MED12L: variants seen among roughly 807,000 people sequenced by gnomAD.
MED12L encodes the protein mediator complex subunit 12L, also known as mediator of RNA polymerase II transcription subunit 12-like protein.
Under a neutral mutation model 281.3 loss-of-function variants are expected in MED12L, and 60 were observed. The ratio of observed to expected loss-of-function variants is 0.21; its 90% CI spans 0.17 to 0.26. The LOEUF (loss-of-function observed/expected upper bound fraction) is 0.26. MED12L is among the 10% of genes least tolerant of loss of function. The pLI is 1.00. For missense variants in MED12L, 2,146 were observed against 2,680.9 expected (o/e 0.80, Z 4.41); for synonymous variants, 974 against 987.2 (o/e 0.99, Z 0.25).
Position 151,207,633 on chromosome 3 carries a change from G to A in MED12L, c.2250+13967G>A, listed in dbSNP as rs1315612941. On this transcript the variant is annotated intron_variant, in intron 16 of 44. Transcript: ENST00000687756. ...TCATGGTTATACAAGGCAAGGAGCT[G>A]TCAATTGGGCAGTATTAGGTGAATC... Among the ~76,000 whole-genome samples the A allele has an allele frequency of 5.9e-5, 9 of 152,322 alleles. No individual in the cohort carries two copies. In the East Asian group the frequency reaches 1.7e-3, roughly 29 times the overall value.
intron 5 of MED12L, among the ~76,000 whole-genome samples, chr3:151,142,212 A>T (rs1214163803): frequency 1.3e-5 from 2 of 152,130 alleles, no homozygotes; most frequent in Non-Finnish European, 2.9e-5. Context: ...TCCATCCTAG[A>T]CTTCTGTTTC....
chr3:151,313,990 C>G (rs1370190549), intron 16 of MED12L, among the ~76,000 whole-genome samples: 1 of 151,848 alleles, frequency 6.6e-6, no homozygotes, highest in African/African-American at 2.4e-5. Context: ...GATGTATATG[C>G]TAATTATTGT....
At chr3:151,392,789 T>C (rs1186219696) in intron 38 of MED12L, among the ~76,000 whole-genome samples, 1 of 152,172 alleles carries the variant, frequency 6.6e-6, no homozygotes, top group Non-Finnish European at 1.5e-5. Flanking sequence ...GTGAGGAAAG[T>C]AATTAGGTGT....
rs1309520067 is a variant in MED12L at position 151,086,978 on chromosome 3, C to T, written c.52C>T (p.Arg18Trp). ...TGAGCAGAGACCGCTGAAGCGCCCC[C>T]GGCTCGGGCCGCCCGACGTCTACCC... is the stretch of plus-strand genomic sequence containing the variant. ...SYEQRPLKRP[R>W]LGPPDVYPQD... is the part of the protein sequence containing the mutation. Residue 18 changes from arginine (R) to tryptophan (W), a missense_variant, in exon 2 of 45, where the codon CGG becomes TGG. By Grantham distance (101) the Arg-to-Trp change is moderately radical. Around this residue, in one of 9 missense-constraint regions of MED12L, gnomAD observed 44 missense variants for 39.7 expected, o/e 1.11. Transcript: ENST00000687756. 6 of 1,610,122 alleles carry T rather than the reference C, an allele frequency of 3.7e-6. No individual in the cohort carries two copies. The highest frequency in any genetic ancestry group is 5.1e-6 in the Non-Finnish European group (6 of 1,178,976).
In MED12L at chr3:151,378,011, G is replaced by C. The variant is rs189467810; in HGVS notation, c.4317-1G>C. 6.3e-7 allele frequency: 1 copy of C among 1,592,090 alleles called. No individual in the cohort carries two copies. Among genetic ancestry groups the C allele is most frequent in the South Asian group, 1.1e-5 (1 of 88,588 alleles). ...GGTGTAACACCTGTTTCTGATTTTA[G>C]TTCCTCCGAACGCAGGGGTGTATGG... On this transcript the variant is annotated splice_acceptor_variant, in intron 30 of 44. Coordinates refer to ENST00000687756, the MANE Select transcript of MED12L (RefSeq NM_001393769.1). LOFTEE classifies it high-confidence loss of function.
intron 39 of MED12L, among the ~76,000 whole-genome samples, chr3:151,400,924 T>G (rs929130923): frequency 6.6e-6 from 1 of 152,192 alleles, no homozygotes; most frequent in African/African-American, 2.4e-5. Context: ...TTAAAAAAAA[T>G]TACAGATGTG....
At chr3:151,122,383 T>G (rs1388937811) in intron 3 of MED12L, among the ~76,000 whole-genome samples, 3 of 152,236 alleles carry the variant, frequency 2.0e-5, no homozygotes, top group Admixed American at 6.5e-5. Context: ...AAAGAATGAT[T>G]ACCGAGTGAT....
intron 16 of MED12L, among the ~76,000 whole-genome samples, chr3:151,258,678 C>T (rs552980517): frequency 7.9e-5 from 12 of 151,912 alleles, no homozygotes; most frequent in East Asian, 3.9e-4. Context: ...GGTGAAACCC[C>T]GTCTCTACTA....
intron 16 of MED12L, among the ~76,000 whole-genome samples, chr3:151,282,192 C>G (rs940590181): frequency 8.5e-5 from 13 of 152,150 alleles, no homozygotes; most frequent in African/African-American, 3.1e-4. Context: ...GAGACTTGTT[C>G]ATGTGAGCCC....
intron 16 of MED12L, among the ~76,000 whole-genome samples, chr3:151,268,408 A>G (rs891747526): frequency 5.3e-5 from 8 of 152,184 alleles, no homozygotes; most frequent in African/African-American, 1.9e-4. Context: ...ACTGCTCTCC[A>G]TTTTCTGTGC....
intron 16 of MED12L, chr3:151,198,209 G>A (rs1724939438): frequency 2.4e-6 from 1 of 408,358 alleles, no homozygotes; most frequent in African/African-American, 2.0e-5. Context: ...TTAGTTTTTT[G>A]TACAAATATT....
chr3:151,428,588 T>A (rs1003124789), intron 43 of MED12L, among the ~76,000 whole-genome samples: 11 of 152,176 alleles, frequency 7.2e-5, no homozygotes, highest in African/African-American at 2.7e-4. Context: ...GATACATCAG[T>A]AGGTATGCCA....
chr3:151,260,826 C>T (rs1738725835), intron 16 of MED12L, among the ~76,000 whole-genome samples: 1 of 152,062 alleles, frequency 6.6e-6, no homozygotes, highest in East Asian at 1.9e-4. Context: ...AATACTGTTC[C>T]TGCCTTAGTT....
At chr3:151,272,286 A>G (rs1324614998) in intron 16 of MED12L, among the ~76,000 whole-genome samples, 1 of 152,258 alleles carries the variant, frequency 6.6e-6, no homozygotes, top group East Asian at 1.9e-4. Context: ...AGGTTTCTCA[A>G]GTCAAGAGGT....
intron 43 of MED12L, 143 bp downstream of exon 43, chr3:151,416,565 T>C: frequency 1.3e-6 from 1 of 753,742 alleles, no homozygotes; most frequent in Non-Finnish European, 2.2e-6. Context: ...TAGAGTTTTA[T>C]TGTCATTGTA....
chr3:151,292,381 A>G (rs1460153984), intron 16 of MED12L, among the ~76,000 whole-genome samples: 2 of 142,578 alleles, frequency 1.4e-5, no homozygotes, highest in East Asian at 2.1e-4. Flanking sequence ...CCCCATCTGG[A>G]GTTCAAAAGA....
At chr3:151,159,684 C>A in intron 7 of MED12L, 148 bp from the exon 8 acceptor site, 1 of 677,368 alleles carries the variant, frequency 1.5e-6, no homozygotes, top group Non-Finnish European at 2.4e-6. Context: ...ATACGTGTGG[C>A]TCACATTCTA....
intron 44 of MED12L, among the ~76,000 whole-genome samples, chr3:151,431,192 C>T (rs1202952290): frequency 6.6e-6 from 1 of 152,152 alleles, no homozygotes; most frequent in Non-Finnish European, 1.5e-5. Context: ...TGTAGTTTTT[C>T]CATCCGTGCA....
chr3:151,347,984 C>T lies in MED12L; in HGVS notation c.2251-2075C>T, dbSNP rs770016812. On this transcript the variant is annotated intron_variant, in intron 16 of 44. Coordinates refer to ENST00000687756, the MANE Select transcript of MED12L (RefSeq NM_001393769.1). ...GTGATCCTGTGCGATGTGAGGAGCA[C>T]GTGGCTCTTTCTAGGATGCTTTCCT... 7.9e-5 allele frequency among the ~76,000 whole-genome samples: 12 copies of T among 152,100 alleles called. No homozygotes were observed. The East Asian group carries it at 1.2e-3, about 15-fold the overall frequency.
Sources: allele counts gnomAD v4.1 joint callset (sites outside exome capture counted in the v4.1 genomes callset), GRCh38; gene constraint gnomAD v4.1.1; regional missense constraint gnomAD v4.1.1; transcripts MANE v1.5; gene names NCBI Gene and HGNC (gene_info 2026-07-23, HGNC 2026-07-21).